The following HUWE1 variants were observed in gnomAD, a reference collection of about 807,000 sequenced individuals.
The protein encoded by HUWE1 is HECT, UBA and WWE domain containing E3 ubiquitin protein ligase 1, also known as E3 ubiquitin-protein ligase HUWE1.
HUWE1 carries 18 observed loss-of-function variants against 299.4 expected under a neutral mutation model. The observed-to-expected ratio is 0.06, with a 90% CI of 0.04 to 0.09. HUWE1 has a LOEUF of 0.09. HUWE1 is among the 10% of genes least tolerant of loss of function. The probability of loss-of-function intolerance (pLI) is 1.00; values close to 1 mark genes in which losing one functional copy is unlikely to be tolerated. For synonymous variants in HUWE1, 1,317 were observed against 1,286.1 expected (o/e 1.02, Z -0.51); for missense variants, 1,832 against 3,462.3 (o/e 0.53, Z 11.82).
chrX:53,544,234 C>T (rs2061465495), intron 72 of HUWE1, among the ~76,000 whole-genome samples: 1 of 111,800 alleles, frequency 8.9e-6, no homozygotes, highest in South Asian at 3.7e-4. Context: ...AATGATTTGT[C>T]AAGCCACGGC....
chrX:53,545,634 A>G (rs1273380725), intron 70 of HUWE1, among the ~76,000 whole-genome samples: 4 of 111,861 alleles, frequency 3.6e-5, no homozygotes, highest in Non-Finnish European at 7.5e-5. Flanking sequence ...CCTGGCCCAT[A>G]GGTGTGGAAT....
intron 69 of HUWE1, 43 bp from the exon 70 acceptor site, chrX:53,546,635 C>A: frequency 1.7e-6 from 2 of 1,209,339 alleles, no homozygotes; most frequent in Non-Finnish European, 2.2e-6. Context: ...AGCCTGAGAA[C>A]AAAATCATTA....
intron 3 of HUWE1, among the ~76,000 whole-genome samples, chrX:53,663,406 C>T (rs782269839): frequency 2.7e-5 from 3 of 110,813 alleles, no homozygotes; most frequent in Admixed American, 1.9e-4. Flanking sequence ...CCAGCTACTT[C>T]GGAGGCTGAG....
intron 80 of HUWE1, 199 bp downstream of exon 80, chrX:53,535,948 A>T: frequency 3.4e-6 from 1 of 292,839 alleles, no homozygotes; most frequent in African/African-American, 2.8e-5. Context: ...TTTTTTAATA[A>T]AGGTGAAACT....
At chrX:53,577,310 AGTT>A (rs1367129623) in intron 43 of HUWE1, among the ~76,000 whole-genome samples, 7 of 110,516 alleles carry the variant, frequency 6.3e-5, no homozygotes, top group African/African-American at 2.3e-4. Flanking sequence ...TTTGAAATCC[AGTT>A]GTTAATTCAA....
rs1028660059 is a variant in HUWE1, at chrX:53,612,939, T to G, written c.2261+1595A>C. 4.5e-5 allele frequency among the ~76,000 whole-genome samples: 5 copies of G among 111,215 alleles called. No homozygotes were observed. The South Asian group carries it at 1.9e-3, about 43-fold the overall frequency. ...GTAAGGCATCTGGAAAATATCCAGG[T>G]AGGGACGTCACATGCAGATGAATAT... is the stretch of plus-strand genomic sequence containing the variant. On this transcript the variant is annotated intron_variant, in intron 23 of 83. Transcript: ENST00000262854.
intron 4 of HUWE1, 134 bp downstream of exon 4, chrX:53,653,929 T>C (rs1197131317): frequency 1.4e-5 from 7 of 489,555 alleles, no homozygotes; most frequent in Middle Eastern, 1.2e-3. Flanking sequence ...TTACTGTTTC[T>C]AGACAAGTTG....
intron 43 of HUWE1, among the ~76,000 whole-genome samples, chrX:53,578,985 G>C (rs1556963302): frequency 1.8e-4 from 13 of 70,545 alleles, no homozygotes; most frequent in East Asian, 5.4e-4. Flanking sequence ...ACTGGGAAGT[G>C]AGGAGCCCCT....
intron 43 of HUWE1, 137 bp downstream of exon 43, chrX:53,580,690 CCAAA>C (rs1227074985): frequency 5.2e-6 from 3 of 580,490 alleles, no homozygotes; most frequent in East Asian, 7.2e-5. Context: ...ATAAATTGAC[CCAAA>C]CAATCAATTA....
In HUWE1 at chrX:53,535,164, A is replaced by G. The variant is rs1556911242; in HGVS notation, c.12649+220T>C. 1.2e-4 allele frequency among the ~76,000 whole-genome samples: 13 copies of G among 110,753 alleles called. No homozygotes were observed. In the East Asian group the frequency reaches 3.1e-3, roughly 27 times the overall value. ...TGGCCAGGCTGGTCTCAAACTCCTC[A>G]CCTCAACTGATCCGCCCACCTTGGC... On this transcript the variant is annotated intron_variant, in intron 81 of 83. Coordinates refer to ENST00000262854, the MANE Select transcript of HUWE1 (RefSeq NM_031407.7).
intron 43 of HUWE1, among the ~76,000 whole-genome samples, chrX:53,577,796 T>C (rs1171434181): frequency 8.7e-6 from 1 of 114,803 alleles, no homozygotes; most frequent in Non-Finnish European, 1.9e-5. Context: ...GGCGCCGGGA[T>C]TGCAGACGGA....
intron 70 of HUWE1, 126 bp from the exon 71 acceptor site, chrX:53,545,287 G>A: frequency 3.0e-6 from 2 of 677,012 alleles, no homozygotes; most frequent in Admixed American, 5.3e-5. Flanking sequence ...CCTAGAGTGA[G>A]CTGGAATCGT....
chrX:53,613,950 T>A, intron 23 of HUWE1, among the ~76,000 whole-genome samples: 1 of 112,169 alleles, frequency 8.9e-6, no homozygotes, highest in Non-Finnish European at 1.9e-5. Flanking sequence ...CTGATTCAAT[T>A]TCATCAACAG....
chrX:53,657,806 T>C (rs868992162), intron 3 of HUWE1, among the ~76,000 whole-genome samples: 1 of 110,508 alleles, frequency 9.0e-6, no homozygotes, highest in African/African-American at 3.3e-5. Flanking sequence ...TCCCAGCACT[T>C]TGGGAGGCTG....
intron 7 of HUWE1, among the ~76,000 whole-genome samples, chrX:53,644,703 A>C (rs782272314): frequency 8.9e-6 from 1 of 112,489 alleles, no homozygotes; most frequent in East Asian, 2.8e-4. Flanking sequence ...ATATGCTTTT[A>C]AAAAGCCAGC....
At chrX:53,635,080 T>C (rs1557025608) in intron 7 of HUWE1, among the ~76,000 whole-genome samples, 1 of 110,554 alleles carries the variant, frequency 9.0e-6, no homozygotes, top group African/African-American at 3.3e-5. Context: ...CCCTGCCTCA[T>C]GGGGCAAGGC....
In HUWE1 at chrX:53,543,845, G is replaced by A; in HGVS notation, c.11375C>T (p.Ala3792Val). The A allele has an allele frequency of 2.5e-6, 3 of 1,211,058 alleles. No homozygotes were observed. The highest frequency in any genetic ancestry group is 3.4e-6 in the Non-Finnish European group (3 of 894,985). Residue 3792 changes from alanine (A) to valine (V), a missense_variant, in exon 73 of 84, where the codon GCA becomes GTA. By Grantham distance (64) the Ala-to-Val change is moderately conservative. Transcript: ENST00000262854. Reference sequence around the variant, plus strand: ...GGCCACAGGCATCATGCTAACCGTTGCTGCTTGTTGCTGTCTCCGCGCCCT... The same window carrying A: ...GGCCACAGGCATCATGCTAACCGTTACTGCTTGTTGCTGTCTCCGCGCCCT... ...GQRARRQQQA[A>V]TSESSQSEAS...
intron 13 of HUWE1, 29 bp from the exon 14 acceptor site, chrX:53,628,931 G>A: frequency 8.7e-7 from 1 of 1,145,708 alleles, no homozygotes; most frequent in Non-Finnish European, 1.2e-6. Flanking sequence ...AACACATAAT[G>A]TGTCAAATAT....
At chrX:53,611,188 T>TAAAAA (rs1204862205) in intron 23 of HUWE1, among the ~76,000 whole-genome samples, 11 of 60,788 alleles carry the variant, frequency 1.8e-4, no homozygotes, top group Admixed American at 3.9e-4. Context: ...GCTGATTTTG[T>TAAAAA]AAAAAAAAAA....
Sources: gnomAD v4.1 joint callset for allele counts (sites outside exome capture counted in the v4.1 genomes callset) on GRCh38, gnomAD v4.1.1 for gene constraint, MANE v1.5 for transcripts, NCBI Gene and HGNC (gene_info 2026-07-23, HGNC 2026-07-21) for gene names.